The following FAF1 variants were observed in gnomAD, a reference collection of about 807,000 sequenced individuals.
FAF1 encodes FAS-associated factor 1.
Under a neutral mutation model 92.5 loss-of-function variants are expected in FAF1, and 25 were observed. The observed-to-expected ratio is 0.27, with a 90% CI of 0.20 to 0.38. FAF1 has a LOEUF of 0.38. FAF1 is among the 10% of genes least tolerant of loss of function. The pLI, the probability that FAF1 is intolerant of heterozygous loss-of-function variation, is 1.00. For synonymous variants in FAF1, 234 were observed against 273.2 expected, an observed-to-expected ratio of 0.86 and a Z score of 1.42; for missense variants, 636 against 793.3, an observed-to-expected ratio of 0.80 and a Z score of 2.38.
At chr1:50,608,542 T>C (rs907004469) in intron 8 of FAF1, among the ~76,000 whole-genome samples, 6 of 152,174 alleles carry the variant, frequency 3.9e-5, no homozygotes, top group Non-Finnish European at 8.8e-5. Flanking sequence ...TAAGAGAGGC[T>C]GCAACATTGC....
chr1:50,655,897 A>G lies in FAF1; in HGVS notation c.658-369T>C, dbSNP rs560399991. Among the ~76,000 whole-genome samples, 16 of 152,314 alleles carry G rather than the reference A, an allele frequency of 1.1e-4. No homozygotes were observed. In the East Asian group the frequency reaches 3.1e-3, roughly 29 times the overall value. ...AAAAATGCACAATGATTCAAAACCAAAAACATATATTTCAAGTTTCTATGT... is the reference window on the plus strand; with the variant it reads ...AAAAATGCACAATGATTCAAAACCAGAAACATATATTTCAAGTTTCTATGT... On this transcript the variant is annotated intron_variant, in intron 7 of 18. Coordinates refer to ENST00000396153, the MANE Select transcript of FAF1 (RefSeq NM_007051.3).
chr1:50,621,454 T>C (rs1209827885), intron 8 of FAF1, among the ~76,000 whole-genome samples: 1 of 142,234 alleles, frequency 7.0e-6, no homozygotes, highest in Non-Finnish European at 1.5e-5. Flanking sequence ...AGCTGGAGTG[T>C]AGTGGCGGGA....
At chr1:50,839,373 A>C (rs1019911990) in intron 2 of FAF1, among the ~76,000 whole-genome samples, 1 of 152,164 alleles carries the variant, frequency 6.6e-6, no homozygotes, top group African/African-American at 2.4e-5. Flanking sequence ...TTGATATGCA[A>C]AGAAGTCTGG....
Position 50,652,988 on chromosome 1 carries a change from TATC to T in FAF1, c.744+2451_744+2453del, listed in dbSNP as rs1483294943. 3.9e-5 allele frequency among the ~76,000 whole-genome samples: 6 copies of T among 152,302 alleles called. No homozygotes were observed. The East Asian group carries it at 1.2e-3, about 29-fold the overall frequency. On this transcript the variant is annotated intron_variant, in intron 8 of 18. Transcript: ENST00000396153. The stretch of plus-strand genomic sequence containing the variant: ...TTTAATGATATGCTCAGGTCTTAAT[TATC>T]TTCTTCTATTAATATTACTATTTCT...
intron 7 of FAF1, among the ~76,000 whole-genome samples, chr1:50,669,895 G>A (rs1376154672): frequency 6.6e-6 from 1 of 152,188 alleles, no homozygotes; most frequent in Non-Finnish European, 1.5e-5. Context: ...GCCAAGGCGG[G>A]CGGATCACTT....
At chr1:50,923,573 C>T (rs1281699687) in intron 1 of FAF1, among the ~76,000 whole-genome samples, 2 of 152,140 alleles carry the variant, frequency 1.3e-5, no homozygotes, top group East Asian at 3.9e-4. Flanking sequence ...TTCCTCATTC[C>T]TTCTATGAGA....
intron 6 of FAF1, among the ~76,000 whole-genome samples, chr1:50,723,835 G>A (rs532428524): frequency 3.3e-5 from 5 of 151,658 alleles, no homozygotes; most frequent in African/African-American, 4.9e-5. Context: ...TGCAACCTCC[G>A]CCTCCCAGGT....
chr1:50,745,256 G>C (rs1036954176), intron 4 of FAF1, among the ~76,000 whole-genome samples: 2 of 152,096 alleles, frequency 1.3e-5, no homozygotes, highest in Non-Finnish European at 2.9e-5. Flanking sequence ...AGCCGAGATC[G>C]TGCCACTGCA....
intron 1 of FAF1, among the ~76,000 whole-genome samples, chr1:50,934,916 GT>G (rs910618265): frequency 2.0e-5 from 3 of 152,102 alleles, no homozygotes; most frequent in Admixed American, 2.0e-4. Flanking sequence ...ATTCATGAAT[GT>G]TTTTCCCCCT....
chr1:50,585,882 A>T (rs1009095547), intron 9 of FAF1, among the ~76,000 whole-genome samples: 999 of 80,406 alleles, frequency 0.012, 10 homozygotes, highest in African/African-American at 0.044. Context: ...TCTCTACATA[A>T]AAAAAAAAAA....
chr1:50,679,323 CA>C (rs58902185), intron 7 of FAF1, among the ~76,000 whole-genome samples: 3 of 145,714 alleles, frequency 2.1e-5, no homozygotes, highest in African/African-American at 7.6e-5. Context: ...AAAAAAAGTA[CA>C]AAAAAAAAGA....
At chr1:50,874,758 C>CTTTTTTTTTTTTTT (rs755424291) in intron 1 of FAF1, among the ~76,000 whole-genome samples, 2 of 67,224 alleles carry the variant, frequency 3.0e-5, no homozygotes, top group Non-Finnish European at 5.5e-5. Flanking sequence ...TCTTTTCTTT[C>CTTTTTTTTTTTTTT]TTTTTTTTTT....
chr1:50,755,465 T>C (rs1660039479), intron 4 of FAF1, among the ~76,000 whole-genome samples: 1 of 152,194 alleles, frequency 6.6e-6, no homozygotes, highest in South Asian at 2.1e-4. Flanking sequence ...GCATACCTCC[T>C]GGCTGCTTTC....
At chr1:50,555,061 AAAT>A (rs1649504107) in intron 13 of FAF1, among the ~76,000 whole-genome samples, 1 of 152,076 alleles carries the variant, frequency 6.6e-6, no homozygotes, top group South Asian at 2.1e-4. Context: ...TACAAAAAAA[AAAT>A]AATAATAGCT....
chr1:50,549,592 A>G (rs1183410584), intron 13 of FAF1, among the ~76,000 whole-genome samples: 5 of 151,972 alleles, frequency 3.3e-5, no homozygotes, highest in African/African-American at 1.2e-4. Flanking sequence ...CTGGCCAACA[A>G]GGTGAAACCC....
chr1:50,464,852 G>A (rs1646474908), intron 18 of FAF1, among the ~76,000 whole-genome samples: 1 of 152,184 alleles, frequency 6.6e-6, no homozygotes, highest in South Asian at 2.1e-4. Context: ...GCTAACAGGT[G>A]GAAGTGCCAG....
chr1:50,624,094 G>A (rs1016291392), intron 8 of FAF1, among the ~76,000 whole-genome samples: 2 of 152,194 alleles, frequency 1.3e-5, no homozygotes, highest in African/African-American at 2.4e-5. Flanking sequence ...GAAAGACCAC[G>A]TAGTTCCGTG....
chr1:50,886,623 G>A (rs1644668056), intron 1 of FAF1, among the ~76,000 whole-genome samples: 1 of 151,874 alleles, frequency 6.6e-6, no homozygotes. Flanking sequence ...GTGAGAACAT[G>A]TGGTGTTTGG....
At chr1:50,854,491 G>T (rs1036574333) in intron 2 of FAF1, among the ~76,000 whole-genome samples, 5 of 151,998 alleles carry the variant, frequency 3.3e-5, no homozygotes, top group African/African-American at 4.8e-5. Flanking sequence ...CAGGGTTCCT[G>T]TCAAGTAAAA....
Sources: allele counts gnomAD v4.1 joint callset (sites outside exome capture counted in the v4.1 genomes callset), GRCh38; gene constraint gnomAD v4.1.1; transcripts MANE v1.5; gene names NCBI Gene and HGNC (gene_info 2026-07-23, HGNC 2026-07-21).